PSMF1: variants seen among roughly 807,000 people sequenced by gnomAD.
PSMF1 encodes proteasome inhibitor subunit 1.
Under a neutral mutation model 29.3 loss-of-function variants are expected in PSMF1, and 30 were observed. The observed-to-expected ratio is 1.02, with a 90% CI of 0.77 to 1.39. The LOEUF (loss-of-function observed/expected upper bound fraction) is 1.39. Among genes scored for constraint, PSMF1 ranks in the 40% most tolerant of loss-of-function variants. The pLI is 0.00. For missense variants in PSMF1, 344 were observed against 357.5 expected (o/e 0.96, Z 0.31); for synonymous variants, 134 against 139.7 (o/e 0.96, Z 0.29).
At chr20:1,116,293 T>C (rs1464302342), upstream of PSMF1, among the ~76,000 whole-genome samples, 3 of 152,230 alleles carry the variant, frequency 2.0e-5, no homozygotes, top group African/African-American at 7.2e-5. Flanking sequence ...AGACTGAAAG[T>C]GCAGAACTTC....
At chr20:1,135,567 C>T (rs1260797088) in intron 4 of PSMF1, among the ~76,000 whole-genome samples, 2 of 152,218 alleles carry the variant, frequency 1.3e-5, no homozygotes, top group African/African-American at 2.4e-5. Flanking sequence ...CTGAGTCTGT[C>T]CAAGGATCAG....
At chr20:1,161,676 T>C (rs973733192) in intron 4 of PSMF1, 1 of 662,872 alleles carries the variant, frequency 1.5e-6, no homozygotes, top group Non-Finnish European at 2.8e-6. Context: ...GGCCCCTCCA[T>C]GTCCACCACA....
intron 4 of PSMF1, among the ~76,000 whole-genome samples, chr20:1,152,150 T>C (rs112828686): frequency 1.1e-4 from 16 of 152,328 alleles, no homozygotes; most frequent in African/African-American, 3.8e-4. Flanking sequence ...TATTGAGCTT[T>C]TACTGTGGGC....
In PSMF1 at chr20:1,163,151, T is replaced by C. The variant is rs776710824; in HGVS notation, c.573T>C (p.Phe191=). The change falls in exon 5 of 7, where the codon TTT becomes TTC. Residue 191 remains phenylalanine (F), a synonymous_variant. Coordinates refer to ENST00000335877, the MANE Select transcript of PSMF1 (RefSeq NM_006814.5). The surrounding 1 kb of genome is among the most constrained non-coding windows in gnomAD (Gnocchi z 6.1). ...TCAGGTGTGATCCCCTGGGCCCGTT[T>C]GTTGTCGGGGGAGAAGACTTAGACC... ...QPPWCDPLGP[F]VVGGEDLDPF... 4.3e-6 allele frequency: 7 copies of C among 1,614,182 alleles called. No homozygotes were observed. In the East Asian group the frequency reaches 1.6e-4, roughly 36 times the overall value.
intron 4 of PSMF1, among the ~76,000 whole-genome samples, chr20:1,149,724 C>T (rs1421088521): frequency 1.3e-5 from 2 of 152,206 alleles, no homozygotes; most frequent in Non-Finnish European, 2.9e-5. Flanking sequence ...AACATTGTGC[C>T]TCTGTGTGCA....
intron 4 of PSMF1, among the ~76,000 whole-genome samples, chr20:1,148,695 G>A (rs1179970497): frequency 6.6e-6 from 1 of 152,028 alleles, no homozygotes. Context: ...TAACTTCTAT[G>A]GGGTATGTCA....
Position 1,165,780 on chromosome 20 carries a change from G to A in PSMF1, c.*700G>A, listed in dbSNP as rs1050373858. The A allele has an allele frequency of 3.4e-5, 35 of 1,026,014 alleles. No individual in the cohort carries two copies. The highest frequency in any genetic ancestry group is 4.0e-5 in the Non-Finnish European group (34 of 853,838). 63.6% of individuals were successfully genotyped at this position (1,026,014 alleles called of 1,614,324 possible). On this transcript the variant is annotated 3_prime_UTR_variant, in exon 7 of 7. Coordinates refer to ENST00000335877, the MANE Select transcript of PSMF1 (RefSeq NM_006814.5). Reference sequence around the variant, plus strand: ...CAAAATCCTCCAGCTATTCCTGTCTGGGCCAGTTTTGTAGGTCCATCTGTG... The same window carrying A: ...CAAAATCCTCCAGCTATTCCTGTCTAGGCCAGTTTTGTAGGTCCATCTGTG...
chr20:1,134,852 T>TA, intron 3 of PSMF1: 1 of 523,244 alleles, frequency 1.9e-6, no homozygotes, highest in Non-Finnish European at 3.5e-6. Context: ...CCTGTGCCCC[T>TA]ACACCCTCAC....
chr20:1,148,914 C>A (rs9680093), intron 4 of PSMF1, among the ~76,000 whole-genome samples: 1,774 of 152,244 alleles, frequency 0.012, 32 homozygotes, highest in African/African-American at 0.04. Context: ...TTAGCAGTTA[C>A]AAATGATATT....
At position 1,168,891 on chromosome 20, in the gene PSMF1, G is replaced by A. The variant is rs1162454091; in HGVS notation, c.*3811G>A. On this transcript the variant is annotated 3_prime_UTR_variant, in exon 7 of 7. Transcript: ENST00000335877. ...ATTCCCCACATGTATATCCCCAGCT[G>A]TTTCTGTCATAAAACTTGCATGTGT... Among the ~76,000 whole-genome samples, 2 of 152,174 alleles carry A rather than the reference G, an allele frequency of 1.3e-5. No individual in the cohort carries two copies. The highest frequency in any genetic ancestry group is 4.8e-5 in the African/African-American group (2 of 41,438).
At chr20:1,128,338 C>T (rs2086186205) in intron 3 of PSMF1, among the ~76,000 whole-genome samples, 1 of 152,170 alleles carries the variant, frequency 6.6e-6, no homozygotes, top group South Asian at 2.1e-4. Flanking sequence ...TATAACACTA[C>T]AGGATTCTTT....
chr20:1,125,057 A>G, intron 1 of PSMF1, among the ~76,000 whole-genome samples: 1 of 152,230 alleles, frequency 6.6e-6, no homozygotes, highest in South Asian at 2.1e-4. Flanking sequence ...TAATTTTTGT[A>G]CATCACTGCA....
At chr20:1,126,120 T>C (rs1422726126) in intron 2 of PSMF1, among the ~76,000 whole-genome samples, 1 of 152,206 alleles carries the variant, frequency 6.6e-6, no homozygotes, top group Non-Finnish European at 1.5e-5. Context: ...AAAATTTCAG[T>C]TCTGACTACC....
chr20:1,132,331 A>G (rs2086240951), intron 3 of PSMF1, among the ~76,000 whole-genome samples: 1 of 150,514 alleles, frequency 6.6e-6, no homozygotes, highest in Non-Finnish European at 1.5e-5. Flanking sequence ...GCTGGAGTGC[A>G]GTGGTGTGAT....
At chr20:1,117,300 C>G (rs950226619), upstream of PSMF1, among the ~76,000 whole-genome samples, 2 of 150,812 alleles carry the variant, frequency 1.3e-5, no homozygotes, top group Non-Finnish European at 2.9e-5. Context: ...TTGAGTGTGA[C>G]GATTTTGAGC....
Position 1,168,145 on chromosome 20 carries a change from G to C in PSMF1, c.*3065G>C, listed in dbSNP as rs1182156678. 3.3e-5 allele frequency: 5 copies of C among 152,240 alleles called. No individual in the cohort carries two copies. Among genetic ancestry groups the C allele is most frequent in the Admixed American group, 3.3e-4 (5 of 15,288 alleles). The allele number at this position is 152,240 out of a possible 1,614,324, so 9.4% of individuals were successfully genotyped here. A position where few individuals can be genotyped will look rare whatever the true frequency, so the allele number is the denominator to read the frequency against. ...CAGTCCCCCTTGGGGAGCAATCTGT[G>C]GTTTTGATAATCACCACCTTGGGAT... On this transcript the variant is annotated 3_prime_UTR_variant, in exon 7 of 7. Coordinates refer to ENST00000335877, the MANE Select transcript of PSMF1 (RefSeq NM_006814.5).
At chr20:1,124,084 G>A (rs6032896) in intron 1 of PSMF1, among the ~76,000 whole-genome samples, 4,491 of 152,190 alleles carry the variant, frequency 0.03, 201 homozygotes, top group African/African-American at 0.1. Flanking sequence ...TGCAGCCATG[G>A]CAAATGTCTC....
At chr20:1,132,675 T>G (rs1264502851) in intron 3 of PSMF1, among the ~76,000 whole-genome samples, 2 of 152,206 alleles carry the variant, frequency 1.3e-5, no homozygotes, top group African/African-American at 4.8e-5. Flanking sequence ...TAGATTAGTT[T>G]GGGGAGAATT....
At chr20:1,143,532 G>T (rs890121107) in intron 4 of PSMF1, among the ~76,000 whole-genome samples, 1 of 152,146 alleles carries the variant, frequency 6.6e-6, no homozygotes, top group Non-Finnish European at 1.5e-5. Context: ...ACTCCTAGAA[G>T]AAAACACAAG....
Sources: gnomAD v4.1 joint callset for allele counts (sites outside exome capture counted in the v4.1 genomes callset) on GRCh38, gnomAD v4.1.1 for gene constraint, Gnocchi (gnomAD v3.1) non-coding constraint, MANE v1.5 for transcripts, NCBI Gene and HGNC (gene_info 2026-07-23, HGNC 2026-07-21) for gene names.